Variants in SATB2 observed in about 807,000 individuals in gnomAD.
SATB2 encodes the protein DNA-binding protein SATB2.
Under a neutral mutation model 73.4 loss-of-function variants are expected in SATB2, and 1 was observed. The ratio of observed to expected loss-of-function variants is 0.01; its 90% confidence interval spans 0.00 to 0.06. The LOEUF is 0.06. Ranked by LOEUF, SATB2 falls within the 10% of genes least tolerant of loss-of-function variation. The pLI is 1.00. For synonymous variants in SATB2, 397 were observed against 367.0 expected (o/e 1.08, Z -0.93); for missense variants, 459 against 945.8 (o/e 0.49, Z 6.75).
chr2:199,380,237 C>T, intron 5 of SATB2, 127 bp downstream of exon 5: 1 of 1,230,676 alleles, frequency 8.1e-7, no homozygotes, highest in East Asian at 2.3e-5. Context: ...TCTTTTACAC[C>T]TCAAATGCAG....
At chr2:199,281,311 T>C (rs1156692396) in intron 10 of SATB2, among the ~76,000 whole-genome samples, 1 of 151,076 alleles carries the variant, frequency 6.6e-6, no homozygotes, top group Non-Finnish European at 1.5e-5. Context: ...TGAGAAATCA[T>C]TAAGGAGGTG....
chr2:199,450,475 T>C (rs999502863), intron 2 of SATB2, among the ~76,000 whole-genome samples: 7 of 152,118 alleles, frequency 4.6e-5, no homozygotes, highest in Admixed American at 1.3e-4. Context: ...AAAGAATTCT[T>C]TATTAATTTA....
chr2:199,390,326 T>A (rs922035929), intron 3 of SATB2, among the ~76,000 whole-genome samples: 1 of 152,162 alleles, frequency 6.6e-6, no homozygotes, highest in Non-Finnish European at 1.5e-5. Flanking sequence ...AAAAGTGTGA[T>A]GAGAAATTAT....
intron 3 of SATB2, among the ~76,000 whole-genome samples, chr2:199,383,747 T>C (rs991524966): frequency 1.3e-5 from 2 of 152,230 alleles, no homozygotes; most frequent in Non-Finnish European, 2.9e-5. Flanking sequence ...CAAGCTGTTG[T>C]GGTGTCAGTA....
In SATB2 at chr2:199,323,242, A is replaced by G. The variant is rs547130307; in HGVS notation, c.1542+561T>C. ...GATAAGCTTCTGTGTTTTTCTGTTA[A>G]AAGATTTTAGCACTTACTCTGCACT... On this transcript the variant is annotated intron_variant, in intron 9 of 10. Transcript: ENST00000417098. 2.6e-5 allele frequency among the ~76,000 whole-genome samples: 4 copies of G among 152,206 alleles called. No homozygotes were observed. In the East Asian group the frequency reaches 7.7e-4, roughly 29 times the overall value.
chr2:199,383,188 T>C (rs904058125), intron 3 of SATB2, among the ~76,000 whole-genome samples: 1 of 152,184 alleles, frequency 6.6e-6, no homozygotes, highest in African/African-American at 2.4e-5. Context: ...TCCAATAAAG[T>C]AACACAGCTC....
rs1403096102 is a variant in SATB2, at chr2:199,456,070, G to A, written c.-33C>T. On this transcript the variant is annotated 5_prime_UTR_variant, in exon 2 of 11. Coordinates refer to ENST00000417098, the MANE Select transcript of SATB2 (RefSeq NM_001172509.2). ...CGACTCGGAGACAAAGTTCCCACCG[G>A]CAGGTCGCAATAAAACGCACAGGGA... is the stretch of plus-strand genomic sequence containing the variant. The A allele has an allele frequency of 5.3e-6, 7 of 1,313,058 alleles. 1 individual carries two copies. In the South Asian group the frequency reaches 6.1e-5, roughly 11 times the overall value. The allele number at this position is 1,313,058 out of a possible 1,614,324, so 81.3% of individuals were successfully genotyped here.
chr2:199,337,035 C>T (rs1027902603), intron 7 of SATB2, among the ~76,000 whole-genome samples: 2 of 152,114 alleles, frequency 1.3e-5, no homozygotes, highest in Non-Finnish European at 2.9e-5. Context: ...TTTCTGAATA[C>T]TTAATATTTG....
chr2:199,330,889 C>T (rs1688170019), intron 7 of SATB2, among the ~76,000 whole-genome samples: 1 of 152,086 alleles, frequency 6.6e-6, no homozygotes, highest in Admixed American at 6.6e-5. Flanking sequence ...CCTCTCCCTC[C>T]TTCCTCTCCC....
intron 3 of SATB2, among the ~76,000 whole-genome samples, chr2:199,384,191 C>T (rs1427658241): frequency 6.6e-6 from 1 of 152,186 alleles, no homozygotes; most frequent in Non-Finnish European, 1.5e-5. Context: ...TAGACACACA[C>T]AGGTGTTTTA....
At chr2:199,305,291 T>C (rs990155781) in intron 10 of SATB2, among the ~76,000 whole-genome samples, 9 of 152,224 alleles carry the variant, frequency 5.9e-5, no homozygotes, top group Non-Finnish European at 1.2e-4. Context: ...CTTCTGACTT[T>C]CTAGATTTTA....
chr2:199,276,297 T>C (rs1692310803), intron 10 of SATB2, among the ~76,000 whole-genome samples: 1 of 152,242 alleles, frequency 6.6e-6, no homozygotes. Context: ...GTCAACTCTT[T>C]TAGCCATTTC....
intron 10 of SATB2, among the ~76,000 whole-genome samples, chr2:199,284,662 T>A (rs1327489156): frequency 2.0e-5 from 3 of 152,288 alleles, no homozygotes; most frequent in African/African-American, 7.2e-5. Flanking sequence ...ATTATTTTTC[T>A]GTTTTGAAAA....
intron 9 of SATB2, among the ~76,000 whole-genome samples, chr2:199,309,346 T>G (rs1687530195): frequency 6.6e-6 from 1 of 152,224 alleles, no homozygotes; most frequent in African/African-American, 2.4e-5. Context: ...CAAATATGCA[T>G]AACAGGACAG....
At position 199,280,474 on chromosome 2, in the gene SATB2, C is replaced by T. The variant is rs187016540; in HGVS notation, c.1741-7802G>A. Among the ~76,000 whole-genome samples, 134 of 152,240 alleles carry T rather than the reference C, an allele frequency of 8.8e-4. 1 individual carries two copies. Among genetic ancestry groups the T allele is most frequent in the East Asian group, 3.7e-3 (19 of 5,182 alleles). On this transcript the variant is annotated intron_variant, in intron 10 of 10. Transcript: ENST00000417098. Reference sequence around the variant, plus strand: ...AAACTCTGACTGCTGGTGAGCCGGGCGGAACAGAGCCATATTTCTCGTCTT... The same window carrying T: ...AAACTCTGACTGCTGGTGAGCCGGGTGGAACAGAGCCATATTTCTCGTCTT...
chr2:199,282,102 C>T (rs1405444701), intron 10 of SATB2, among the ~76,000 whole-genome samples: 3 of 152,142 alleles, frequency 2.0e-5, no homozygotes, highest in Middle Eastern at 3.4e-3. Flanking sequence ...AGGATGGTCT[C>T]GATCTCCTGA....
intron 10 of SATB2, among the ~76,000 whole-genome samples, chr2:199,301,718 C>T (rs1414433038): frequency 6.6e-6 from 1 of 152,012 alleles, no homozygotes; most frequent in Non-Finnish European, 1.5e-5. Flanking sequence ...GAGCACGAAC[C>T]GTGGGCAGGC....
chr2:199,388,335 T>C (rs967036754), intron 3 of SATB2, among the ~76,000 whole-genome samples: 1 of 152,202 alleles, frequency 6.6e-6, no homozygotes, highest in Non-Finnish European at 1.5e-5. Flanking sequence ...AACACATAGC[T>C]AAGTGAAACC....
chr2:199,422,974 A>C (rs955735336), intron 3 of SATB2, among the ~76,000 whole-genome samples: 7 of 152,110 alleles, frequency 4.6e-5, no homozygotes, highest in African/African-American at 1.7e-4. Context: ...CATGTAAGTA[A>C]ATTTTTCAGA....
Sources: gnomAD v4.1 joint callset for allele counts (sites outside exome capture counted in the v4.1 genomes callset) on GRCh38, gnomAD v4.1.1 for gene constraint, MANE v1.5 for transcripts, NCBI Gene and HGNC (gene_info 2026-07-23, HGNC 2026-07-21) for gene names.